The following NHSL2 variants were observed in gnomAD, a reference collection of about 807,000 sequenced individuals.
NHSL2 encodes the protein NHS-like protein 2.
Under a neutral mutation model 53.4 loss-of-function variants are expected in NHSL2, and 27 were observed. The observed-to-expected ratio is 0.51, with a 90% CI of 0.37 to 0.70. The LOEUF is 0.70. NHSL2 is among the 30% of genes least tolerant of loss of function. The pLI is 0.00. For synonymous variants in NHSL2, 408 were observed against 404.1 expected (o/e 1.01, Z -0.12); for missense variants, 892 against 980.1 (o/e 0.91, Z 1.20).
At chrX:72,027,938 C>G (rs905093875) in intron 1 of NHSL2, among the ~76,000 whole-genome samples, 5 of 111,827 alleles carry the variant, frequency 4.5e-5, no homozygotes, top group Non-Finnish European at 5.6e-5. Context: ...CTACCAAACC[C>G]ATGATGGGTG....
At chrX:71,999,423 T>G (rs189141084) in intron 1 of NHSL2, among the ~76,000 whole-genome samples, 32 of 112,627 alleles carry the variant, frequency 2.8e-4, no homozygotes, top group Non-Finnish European at 6.0e-4. Flanking sequence ...TTTGCGAGAA[T>G]CAATTGTTAA....
intron 1 of NHSL2, among the ~76,000 whole-genome samples, chrX:72,023,903 T>C (rs1324297131): frequency 9.0e-6 from 1 of 111,323 alleles, no homozygotes; most frequent in African/African-American, 3.3e-5. Context: ...ATTGGTGACA[T>C]ATTTAGGAGG....
intron 1 of NHSL2, among the ~76,000 whole-genome samples, chrX:72,056,944 G>A (rs2042373258): frequency 8.9e-6 from 1 of 112,489 alleles, no homozygotes; most frequent in Non-Finnish European, 1.9e-5. Context: ...GAAATTGGGA[G>A]CCAGCAAGTA....
At chrX:72,131,667 G>A in intron 1 of NHSL2, 1 of 615,501 alleles carries the variant, frequency 1.6e-6, no homozygotes, top group Non-Finnish European at 2.3e-6. Flanking sequence ...GCGGGGCACG[G>A]GCCAGGCCGG....
intron 4 of NHSL2, among the ~76,000 whole-genome samples, chrX:72,135,081 C>T (rs1026299843): frequency 5.4e-5 from 6 of 111,987 alleles, no homozygotes; most frequent in African/African-American, 2.0e-4. Context: ...GTTTGGAGTA[C>T]ACTGATAAGA....
At chrX:71,914,306 C>T (rs1277348709) in intron 1 of NHSL2, among the ~76,000 whole-genome samples, 1 of 112,500 alleles carries the variant, frequency 8.9e-6, no homozygotes. Flanking sequence ...ATGCCTGCCA[C>T]CATATGCTGA....
intron 1 of NHSL2, among the ~76,000 whole-genome samples, chrX:72,125,562 T>C (rs1156375037): frequency 5.4e-5 from 6 of 111,811 alleles, no homozygotes. Context: ...CCAGGGTTCT[T>C]TTCCCCATTC....
At chrX:71,993,022 A>T (rs2042034401) in intron 1 of NHSL2, among the ~76,000 whole-genome samples, 1 of 112,497 alleles carries the variant, frequency 8.9e-6, no homozygotes, top group African/African-American at 3.2e-5. Flanking sequence ...ATGGGCCACA[A>T]AGCCAGAGAG....
chrX:71,937,585 C>T (rs948491157), intron 1 of NHSL2, among the ~76,000 whole-genome samples: 1 of 112,205 alleles, frequency 8.9e-6, no homozygotes, highest in African/African-American at 3.2e-5. Flanking sequence ...TGATCTAGAA[C>T]ATTGCTAAAA....
intron 1 of NHSL2, among the ~76,000 whole-genome samples, chrX:72,101,781 C>T (rs992360668): frequency 9.0e-6 from 1 of 111,529 alleles, no homozygotes; most frequent in African/African-American, 3.3e-5. Context: ...TCCTCCAGCC[C>T]TGCAGCCTAG....
intron 1 of NHSL2, among the ~76,000 whole-genome samples, chrX:71,963,991 A>ATG (rs1569467059): frequency 3.3e-5 from 2 of 60,598 alleles, no homozygotes; most frequent in South Asian, 1.0e-3. Flanking sequence ...ATATATATAT[A>ATG]TGTATATACA....
chrX:71,981,858 A>T (rs757753416), intron 1 of NHSL2, among the ~76,000 whole-genome samples: 2 of 112,188 alleles, frequency 1.8e-5, no homozygotes, highest in Non-Finnish European at 3.8e-5. Context: ...GGAAATCTCA[A>T]ATACCACTGG....
intron 1 of NHSL2, among the ~76,000 whole-genome samples, chrX:72,068,180 C>T (rs1334420454): frequency 8.9e-6 from 1 of 112,143 alleles, no homozygotes; most frequent in Non-Finnish European, 1.9e-5. Context: ...TCTATCTCCC[C>T]AACGCTCACA....
At chrX:71,921,785 C>T (rs1304740893) in intron 1 of NHSL2, among the ~76,000 whole-genome samples, 5 of 112,111 alleles carry the variant, frequency 4.5e-5, no homozygotes, top group Non-Finnish European at 7.5e-5. Context: ...CTGAAATAGG[C>T]TGTGCCAGAA....
chrX:71,954,072 T>C (rs1473029771), intron 1 of NHSL2, among the ~76,000 whole-genome samples: 2 of 112,467 alleles, frequency 1.8e-5, no homozygotes, highest in African/African-American at 6.5e-5. Context: ...CTTATAAAAC[T>C]ACTCCTTGCT....
intron 1 of NHSL2, among the ~76,000 whole-genome samples, chrX:72,001,096 T>A (rs913839539): frequency 5.3e-5 from 6 of 112,328 alleles, no homozygotes; most frequent in Non-Finnish European, 9.4e-5. Flanking sequence ...AAGATGCCCC[T>A]TTCAGTCATT....
intron 1 of NHSL2, among the ~76,000 whole-genome samples, chrX:71,961,498 T>C (rs903107600): frequency 1.8e-5 from 2 of 108,563 alleles, no homozygotes; most frequent in Non-Finnish European, 3.8e-5. Flanking sequence ...ATTTTATTTT[T>C]GCCTGAATGC....
intron 1 of NHSL2, among the ~76,000 whole-genome samples, chrX:72,075,901 A>AGTGTGTGTGTGTGTGTGT (rs10637913): frequency 8.6e-5 from 8 of 93,395 alleles, no homozygotes; most frequent in African/African-American, 3.2e-4. Flanking sequence ...GGGGGAGCAC[A>AGTGTGTGTGTGTGTGTGT]GTGTGTGTGT....
chrX:71,960,692 T>A (rs1239615436), intron 1 of NHSL2, among the ~76,000 whole-genome samples: 1 of 112,434 alleles, frequency 8.9e-6, no homozygotes, highest in African/African-American at 3.2e-5. Context: ...TTTCTGTAGA[T>A]GCATGGGTTT....
Sources: gnomAD v4.1 joint callset for allele counts (sites outside exome capture counted in the v4.1 genomes callset) on GRCh38, gnomAD v4.1.1 for gene constraint, MANE v1.5 for transcripts, NCBI Gene and HGNC (gene_info 2026-07-23, HGNC 2026-07-21) for gene names.